The following STON1 variants were observed in gnomAD, a reference collection of about 807,000 sequenced individuals.
STON1 encodes stonin-1.
STON1 carries 79 observed loss-of-function variants against 60.9 expected under a neutral mutation model. The observed-to-expected ratio is 1.30, with a 90% CI of 1.08 to 1.56. STON1 has a LOEUF of 1.56. Ranked by LOEUF, STON1 falls within the 40% of genes most tolerant of loss-of-function variation. The pLI is 0.00. For synonymous variants in STON1, 363 were observed against 306.9 expected (o/e 1.18, Z -1.91); for missense variants, 1,166 against 858.9 (o/e 1.36, Z -4.47).
chr2:48,558,798 C>T (rs1181048567), intron 1 of STON1, among the ~76,000 whole-genome samples: 1 of 152,198 alleles, frequency 6.6e-6, no homozygotes, highest in Non-Finnish European at 1.5e-5. Flanking sequence ...CTGCTCATTC[C>T]TAACCTCCCA....
intron 1 of STON1, chr2:48,568,925 A>G (rs1269352753): frequency 1.3e-5 from 2 of 152,196 alleles, no homozygotes; most frequent in African/African-American, 2.4e-5. Context: ...CCCTGGTGCT[A>G]TTTCATTAGT....
At chr2:48,570,843 GTTTTTTTTTTTTTT>G (rs70946811) in intron 1 of STON1, among the ~76,000 whole-genome samples, 23 of 77,100 alleles carry the variant, frequency 3.0e-4, no homozygotes, top group South Asian at 4.5e-4. Context: ...CTGTCTCTGA[GTTTTTTTTTTTTTT>G]TTTTTTTTTT....
chr2:48,564,528 C>CTTCTTCTTCTTCTTCTTA (rs1672814848), intron 1 of STON1, among the ~76,000 whole-genome samples: 1 of 43,350 alleles, frequency 2.3e-5, no homozygotes. Context: ...TCTTCTTCTT[C>CTTCTTCTTCTTCTTCTTA]TTCTTCTTCT....
intron 2 of STON1, among the ~76,000 whole-genome samples, chr2:48,588,747 T>TA (rs1674349876): frequency 6.6e-6 from 1 of 152,156 alleles, no homozygotes; most frequent in African/African-American, 2.4e-5. Flanking sequence ...GGATTGACCT[T>TA]TTTTACTGGG....
At position 48,582,060 on chromosome 2, in the gene STON1, A is replaced by C. The variant is rs1558636716; in HGVS notation, c.1427A>C (p.Glu476Ala). 5 of 1,614,170 alleles carry C rather than the reference A, an allele frequency of 3.1e-6. No homozygotes were observed. The highest frequency in any genetic ancestry group is 4.2e-6 in the Non-Finnish European group (5 of 1,180,022). The change falls in exon 2 of 4, where the codon GAA becomes GCA. Residue 476 changes from glutamate (E) to alanine (A), a missense_variant. Physicochemically the swap from Glu to Ala is moderately radical, Grantham distance 107. Coordinates refer to ENST00000404752, the MANE Select transcript of STON1 (RefSeq NM_006873.4). ...RDESYYEKDS[E>A]KKGIDILDYH... is the part of the protein sequence containing the mutation. ...GAATCCTATTATGAGAAGGACTCAG[A>C]AAAAAAGGGGATTGATATTCTTGAC...
intron 1 of STON1, among the ~76,000 whole-genome samples, chr2:48,542,223 G>A (rs1671683789): frequency 6.6e-6 from 1 of 152,164 alleles, no homozygotes; most frequent in Non-Finnish European, 1.5e-5. Flanking sequence ...TTATAATGCT[G>A]AAAGCAGTCT....
rs188137455 is a variant in STON1, at chr2:48,543,835, A to G, written c.-48+13619A>G. On this transcript the variant is annotated intron_variant, in intron 1 of 3. Coordinates refer to ENST00000404752, the MANE Select transcript of STON1 (RefSeq NM_006873.4). ...GCGTGAGCCACCACTCCCGACAACG[A>G]TAACATTTTAAATGAAAAGACCCCA... 2.6e-5 allele frequency among the ~76,000 whole-genome samples: 4 copies of G among 152,264 alleles called. No individual in the cohort carries two copies. The East Asian group carries it at 7.7e-4, about 29-fold the overall frequency.
At chr2:48,577,705 T>G (rs1232186353) in intron 1 of STON1, among the ~76,000 whole-genome samples, 1 of 151,092 alleles carries the variant, frequency 6.6e-6, no homozygotes, top group African/African-American at 2.4e-5. Context: ...TACCTCCACC[T>G]CCTGGGTTCA....
At chr2:48,577,178 T>G (rs887999098) in intron 1 of STON1, among the ~76,000 whole-genome samples, 2 of 152,232 alleles carry the variant, frequency 1.3e-5, no homozygotes, top group Admixed American at 6.5e-5. Flanking sequence ...AGTTTAATGG[T>G]GTCTCACTTT....
intron 1 of STON1, among the ~76,000 whole-genome samples, chr2:48,571,147 T>A (rs1434999016): frequency 6.6e-6 from 1 of 152,168 alleles, no homozygotes; most frequent in East Asian, 1.9e-4. Context: ...TGGGCCACTG[T>A]GACTGGCCTT....
At chr2:48,556,261 A>G (rs1318123082) in intron 1 of STON1, among the ~76,000 whole-genome samples, 4 of 18,242 alleles carry the variant, frequency 2.2e-4, no homozygotes, top group South Asian at 4.1e-3. Flanking sequence ...CTGGCCGGGC[A>G]GAGGGGCTCC....
At chr2:48,549,608 T>A (rs1290941404) in intron 1 of STON1, among the ~76,000 whole-genome samples, 2 of 151,862 alleles carry the variant, frequency 1.3e-5, no homozygotes, top group Non-Finnish European at 2.9e-5. Flanking sequence ...GGTCAGGAGT[T>A]CAATACCAGC....
intron 1 of STON1, among the ~76,000 whole-genome samples, chr2:48,537,040 T>G (rs1439865999): frequency 6.6e-6 from 1 of 152,252 alleles, no homozygotes; most frequent in Non-Finnish European, 1.5e-5. Context: ...TCTTGAATTT[T>G]CTATATAGAC....
chr2:48,591,936 T>TTG (rs1268953908), intron 3 of STON1, 81 bp downstream of exon 3: 15 of 1,520,700 alleles, frequency 9.9e-6, no homozygotes, highest in Admixed American at 8.0e-5. Context: ...CGTGTATGTG[T>TTG]TGTGTGTGTG....
At chr2:48,587,591 T>G (rs551196006) in intron 2 of STON1, among the ~76,000 whole-genome samples, 3 of 152,112 alleles carry the variant, frequency 2.0e-5, no homozygotes, top group Non-Finnish European at 4.4e-5. Flanking sequence ...GCGTCCGGCC[T>G]CCCATGAGTA....
At chr2:48,576,305 T>A (rs1673497757) in intron 1 of STON1, among the ~76,000 whole-genome samples, 2 of 143,658 alleles carry the variant, frequency 1.4e-5, no homozygotes, top group Admixed American at 7.4e-5. Context: ...TTCTCATGCC[T>A]CAGCCTCCTG....
intron 1 of STON1, among the ~76,000 whole-genome samples, chr2:48,547,214 A>G (rs906513287): frequency 2.6e-5 from 4 of 152,222 alleles, no homozygotes; most frequent in African/African-American, 9.6e-5. Context: ...CTCAAATGAA[A>G]TGTTAGAAAA....
At chr2:48,558,809 G>A (rs1194108586) in intron 1 of STON1, among the ~76,000 whole-genome samples, 1 of 152,140 alleles carries the variant, frequency 6.6e-6, no homozygotes, top group Admixed American at 6.5e-5. Context: ...TAACCTCCCA[G>A]TGCACTTTAG....
rs1490495548 is a variant in STON1 at position 48,581,116 on chromosome 2, A to C, written c.483A>C (p.Glu161Asp). Residue 161 changes from glutamate to aspartate, a missense_variant, in exon 2 of 4, where the codon GAA (glutamate) becomes GAC (aspartate). Coordinates refer to ENST00000404752, the MANE Select transcript of STON1 (RefSeq NM_006873.4). ...ATGAAGTTAATCCTCAACAGGCTGA[A>C]AGCCTAGGATTCCAAAGTGATGATC... ...LPDEVNPQQA[E>D]SLGFQSDDLP... 1 of 1,599,072 alleles carries C rather than the reference A, an allele frequency of 6.3e-7. No homozygotes were observed. Among genetic ancestry groups the C allele is most frequent in the Non-Finnish European group, 8.5e-7 (1 of 1,174,576 alleles).
Sources: allele counts gnomAD v4.1 joint callset (sites outside exome capture counted in the v4.1 genomes callset), GRCh38; gene constraint gnomAD v4.1.1; transcripts MANE v1.5; gene names NCBI Gene and HGNC (gene_info 2026-07-23, HGNC 2026-07-21).